TPP2: variants seen among roughly 807,000 people sequenced by gnomAD.
TPP2 encodes the protein tripeptidyl peptidase 2.
TPP2 carries 34 observed loss-of-function variants against 155.9 expected under a neutral mutation model. The observed-to-expected ratio is 0.22, with a 90% CI of 0.17 to 0.29. TPP2 has a LOEUF of 0.29. TPP2 is among the 10% of genes least tolerant of loss of function. The pLI, the probability that TPP2 is intolerant of heterozygous loss-of-function variation, is 1.00. For missense variants in TPP2, 1,028 were observed against 1,522.3 expected (o/e 0.68, Z 5.40); for synonymous variants, 510 against 529.4 (o/e 0.96, Z 0.50).
At chr13:102,656,898 G>C in intron 24 of TPP2, 158 bp from the exon 25 acceptor site, 1 of 581,534 alleles carries the variant, frequency 1.7e-6, no homozygotes, top group Non-Finnish European at 2.8e-6. Context: ...TGTGACCAGA[G>C]ATTGGAATTT....
chr13:102,611,331 G>C (rs1880298992), intron 2 of TPP2, among the ~76,000 whole-genome samples: 1 of 152,148 alleles, frequency 6.6e-6, no homozygotes, highest in South Asian at 2.1e-4. Flanking sequence ...GTGCGTGTTT[G>C]TTTGTTTTTT....
At chr13:102,620,349 C>T (rs1881063836) in intron 5 of TPP2, among the ~76,000 whole-genome samples, 1 of 152,158 alleles carries the variant, frequency 6.6e-6, no homozygotes, top group Admixed American at 6.5e-5. Context: ...CATTTTAGAA[C>T]ATTTTATTAT....
chr13:102,621,063 A>G (rs1187454340), intron 5 of TPP2, among the ~76,000 whole-genome samples: 1 of 152,206 alleles, frequency 6.6e-6, no homozygotes, highest in Non-Finnish European at 1.5e-5. Context: ...ACTTGAATTC[A>G]GTCAACTAGA....
chr13:102,674,419 G>C lies in TPP2; in HGVS notation c.3508G>C (p.Glu1170Gln). The C allele has an allele frequency of 6.2e-7, 1 of 1,613,966 alleles. No individual in the cohort carries two copies. Among genetic ancestry groups the C allele is most frequent in the Non-Finnish European group, 8.5e-7 (1 of 1,179,874 alleles). Reference sequence around the variant, plus strand: ...TGCAGAAGGAAAGGAGGAGGAAGGAGAAAGTCCTTTGGATTCTCTGGCAGA... The same window carrying C: ...TGCAGAAGGAAAGGAGGAGGAAGGACAAAGTCCTTTGGATTCTCTGGCAGA... The part of the protein sequence containing the change: ...TDAEGKEEEG[E>Q]SPLDSLAETF... The change falls in exon 28 of 30, where the codon GAA (glutamate) becomes CAA (glutamine). Residue 1170 changes from glutamate (E) to glutamine (Q), a missense_variant. Transcript: ENST00000376052.
At chr13:102,673,322 C>G (rs562398182) in intron 27 of TPP2, among the ~76,000 whole-genome samples, 1 of 152,190 alleles carries the variant, frequency 6.6e-6, no homozygotes, top group Non-Finnish European at 1.5e-5. Flanking sequence ...CACTCTGAGT[C>G]TTTCAGAGTC....
intron 25 of TPP2, among the ~76,000 whole-genome samples, chr13:102,663,045 G>A (rs1884335537): frequency 6.6e-6 from 1 of 151,934 alleles, no homozygotes; most frequent in South Asian, 2.1e-4. Flanking sequence ...TAGCTGGTAT[G>A]TAAGAAAGCT....
intron 8 of TPP2, 79 bp downstream of exon 8, chr13:102,628,003 A>G (rs1483289889): frequency 1.8e-6 from 2 of 1,137,470 alleles, no homozygotes; most frequent in Non-Finnish European, 2.6e-6. Context: ...AAGTGGATTG[A>G]GTGTCACGGT....
intron 27 of TPP2, among the ~76,000 whole-genome samples, chr13:102,669,187 T>C (rs567244867): frequency 5.4e-4 from 83 of 152,350 alleles, no homozygotes; most frequent in African/African-American, 2.0e-3. Context: ...GTTTAGATTT[T>C]AAAAAGTAAG....
intron 27 of TPP2, chr13:102,667,919 C>A: frequency 1.5e-6 from 1 of 652,346 alleles, no homozygotes; most frequent in Non-Finnish European, 1.9e-6. Context: ...GGACTGCCAG[C>A]ACTAAGGGCC....
chr13:102,638,175 A>C, intron 14 of TPP2, 64 bp from the exon 15 acceptor site: 26 of 1,313,182 alleles, frequency 2.0e-5, no homozygotes, highest in Non-Finnish European at 2.7e-5. Flanking sequence ...AGTAGTTTAG[A>C]CCTTCCCCCG....
rs149378137 is a variant in TPP2, at chr13:102,663,132, T to TTATTTATTTATTTA, written c.3144-515_3144-514insATTTATTTATTTAT. On this transcript the variant is annotated intron_variant, in intron 25 of 29. Transcript: ENST00000376052. ...TTTTCAGTTTGATTTATTTATTTAT[T>TTATTTATTTATTTA]TTTTTTAATTAATTAATTAATTTAT... 5.3e-5 allele frequency among the ~76,000 whole-genome samples: 8 copies of TTATTTATTTATTTA among 150,496 alleles called. No individual in the cohort carries two copies. The South Asian group carries it at 1.3e-3, about 24-fold the overall frequency.
At chr13:102,608,325 AATTAATATGTGG>A (rs1400829093) in intron 2 of TPP2, among the ~76,000 whole-genome samples, 9 of 151,992 alleles carry the variant, frequency 5.9e-5, no homozygotes, top group Non-Finnish European at 1.2e-4. Flanking sequence ...TTACTTGTAG[AATTAATATGTGG>A]AAGAAGAGAG....
rs746268531 is a variant in TPP2, at chr13:102,645,044, A to T, written c.2393+35A>T. On this transcript the variant is annotated intron_variant, in intron 19 of 29. Transcript: ENST00000376052. Reference sequence around the variant, plus strand: ...AATGTTTTAGGAACTACAGATATTGAATATAGATTGGGGGGATCTCTTACA... The same window carrying T: ...AATGTTTTAGGAACTACAGATATTGTATATAGATTGGGGGGATCTCTTACA... The T allele has an allele frequency of 8.8e-6, 14 of 1,590,072 alleles. No homozygotes were observed. In the South Asian group the frequency reaches 1.6e-4, roughly 18 times the overall value.
intron 24 of TPP2, among the ~76,000 whole-genome samples, chr13:102,652,366 T>A (rs1883554806): frequency 7.5e-6 from 1 of 133,762 alleles, no homozygotes; most frequent in Non-Finnish European, 1.6e-5. Context: ...GGTGACAGAG[T>A]GAGACCCTGT....
chr13:102,604,353 T>G (rs866250656), intron 1 of TPP2, among the ~76,000 whole-genome samples: 5 of 152,186 alleles, frequency 3.3e-5, no homozygotes, highest in African/African-American at 7.2e-5. Flanking sequence ...CTTCCCTGCT[T>G]AATTTTTCTC....
chr13:102,647,144 TA>T, intron 20 of TPP2, 62 bp from the exon 21 acceptor site: 1 of 1,485,526 alleles, frequency 6.7e-7, no homozygotes, highest in Non-Finnish European at 9.0e-7. Flanking sequence ...ATAACAATAT[TA>T]AAAATTTGTA....
intron 14 of TPP2, among the ~76,000 whole-genome samples, chr13:102,637,541 C>CTTGTTGTTGTTG (rs11272845): frequency 0.071 from 10,795 of 151,042 alleles, 1,184 homozygotes; most frequent in African/African-American, 0.24. Context: ...GCTGCAGTTG[C>CTTGTTGTTGTTG]TTGTTGTTGT....
At chr13:102,627,304 A>G (rs1050238072) in intron 7 of TPP2, 138 bp downstream of exon 7, 5 of 627,502 alleles carry the variant, frequency 8.0e-6, no homozygotes, top group African/African-American at 1.9e-5. Flanking sequence ...AAGCAAAAAT[A>G]TTTACTAATT....
At chr13:102,597,611 C>G (rs907502772) in intron 1 of TPP2, among the ~76,000 whole-genome samples, 1 of 152,258 alleles carries the variant, frequency 6.6e-6, no homozygotes, top group African/African-American at 2.4e-5. Flanking sequence ...CTGCCTACCC[C>G]TCGTGCCTCG....
Sources: allele counts gnomAD v4.1 joint callset (sites outside exome capture counted in the v4.1 genomes callset), GRCh38; gene constraint gnomAD v4.1.1; transcripts MANE v1.5; gene names NCBI Gene and HGNC (gene_info 2026-07-23, HGNC 2026-07-21).